The following TMEM71 variants were observed in gnomAD, a reference collection of about 807,000 sequenced individuals.
The protein encoded by TMEM71 is transmembrane protein 71.
Under a neutral mutation model 38.0 loss-of-function variants are expected in TMEM71, and 44 were observed. The observed-to-expected ratio is 1.16, with a 90% CI of 0.91 to 1.49. The LOEUF (loss-of-function observed/expected upper bound fraction) is 1.49. Among genes scored for constraint, TMEM71 ranks in the 40% most tolerant of loss-of-function variants. The pLI is 0.00. For synonymous variants in TMEM71, 133 were observed against 122.5 expected, an observed-to-expected ratio of 1.09 and a Z score of -0.56; for missense variants, 367 against 348.6, an observed-to-expected ratio of 1.05 and a Z score of -0.42.
At chr8:132,712,665 CTG>C (rs1310948627) in intron 9 of TMEM71, among the ~76,000 whole-genome samples, 6 of 152,176 alleles carry the variant, frequency 3.9e-5, no homozygotes, top group Admixed American at 2.6e-4. Context: ...TACCTAGTGA[CTG>C]TGTCTAACCC....
chr8:132,764,288 T>TTG (rs5895159), upstream of TMEM71, among the ~76,000 whole-genome samples: 66,268 of 148,846 alleles, frequency 0.45, 15,958 homozygotes, highest in South Asian at 0.6. Flanking sequence ...AACTGGGAGG[T>TTG]TGTGTGTGTG....
chr8:132,775,854 A>G, the TMEM71 span, among the ~76,000 whole-genome samples: 1 of 151,680 alleles, frequency 6.6e-6, no homozygotes, highest in East Asian at 1.9e-4. Context: ...TCAAACCTGG[A>G]GGCTTCTCCA....
chr8:132,751,272 A>G (rs1828693825), intron 4 of TMEM71, among the ~76,000 whole-genome samples: 1 of 152,186 alleles, frequency 6.6e-6, no homozygotes, highest in African/African-American at 2.4e-5. Flanking sequence ...CCTAAGTTTT[A>G]CCAGGGTCTC....
chr8:132,759,594 A>G (rs1829219704), intron 1 of TMEM71: 1 of 152,244 alleles, frequency 6.6e-6, no homozygotes, highest in African/African-American at 2.4e-5. Context: ...TTGATCATTT[A>G]CTGTTCATCA....
the TMEM71 span, among the ~76,000 whole-genome samples, chr8:132,774,651 A>T: frequency 1.3e-5 from 2 of 152,256 alleles, no homozygotes; most frequent in Non-Finnish European, 1.5e-5. Context: ...ATTATTTTCA[A>T]TGTGTTCACT....
chr8:132,754,380 T>C (rs976038742), intron 3 of TMEM71, among the ~76,000 whole-genome samples: 2 of 152,226 alleles, frequency 1.3e-5, no homozygotes, highest in South Asian at 2.1e-4. Flanking sequence ...CTTAGACTTT[T>C]GGACCAATTT....
chr8:132,736,926 A>T (rs1356565196), intron 5 of TMEM71, among the ~76,000 whole-genome samples: 1 of 152,212 alleles, frequency 6.6e-6, no homozygotes, highest in African/African-American at 2.4e-5. Flanking sequence ...ATGTTAATTA[A>T]CTTGATTTCC....
intron 3 of TMEM71, among the ~76,000 whole-genome samples, chr8:132,755,583 G>A (rs1425606080): frequency 1.3e-5 from 2 of 152,110 alleles, no homozygotes; most frequent in Non-Finnish European, 2.9e-5. Context: ...GTTGGTGAAA[G>A]GACAAATATC....
chr8:132,723,942 T>C (rs1834439), intron 6 of TMEM71, among the ~76,000 whole-genome samples: 87,280 of 151,976 alleles, frequency 0.57, 27,794 homozygotes, highest in African/African-American at 0.86. Flanking sequence ...ACAGCTGGGC[T>C]GCCGGGGGTG....
chr8:132,767,135 G>T, the TMEM71 span, among the ~76,000 whole-genome samples: 1 of 152,114 alleles, frequency 6.6e-6, no homozygotes, highest in Admixed American at 6.6e-5. Context: ...TGCTCCTCAG[G>T]GGTATTAACT....
chr8:132,742,191 T>C (rs532531962), intron 5 of TMEM71, among the ~76,000 whole-genome samples: 1 of 152,390 alleles, frequency 6.6e-6, no homozygotes, highest in East Asian at 1.9e-4. Flanking sequence ...ATTAATGATA[T>C]TCATATATAA....
At chr8:132,768,347 T>C in the TMEM71 span, among the ~76,000 whole-genome samples, 1 of 152,146 alleles carries the variant, frequency 6.6e-6, no homozygotes, top group Non-Finnish European at 1.5e-5. Context: ...TCTTTTACTT[T>C]AAAAAATGTT....
intron 5 of TMEM71, among the ~76,000 whole-genome samples, chr8:132,741,529 C>G (rs1036243079): frequency 6.6e-6 from 1 of 151,576 alleles, no homozygotes; most frequent in African/African-American, 2.4e-5. Context: ...TGTGAGTCAT[C>G]TCCAATGATA....
chr8:132,743,662 G>A (rs1434566582), intron 5 of TMEM71, among the ~76,000 whole-genome samples: 5 of 152,032 alleles, frequency 3.3e-5, no homozygotes, highest in Non-Finnish European at 7.4e-5. Context: ...TCCACTGCAA[G>A]GCCTCAGTAA....
At chr8:132,772,913 G>A in the TMEM71 span, among the ~76,000 whole-genome samples, 1 of 152,122 alleles carries the variant, frequency 6.6e-6, no homozygotes, top group Non-Finnish European at 1.5e-5. Context: ...GCCGTTGGTG[G>A]CATGATATTT....
chr8:132,772,550 G>T, the TMEM71 span, among the ~76,000 whole-genome samples: 1 of 152,132 alleles, frequency 6.6e-6, no homozygotes, highest in Non-Finnish European at 1.5e-5. Flanking sequence ...AAGAGGAAAT[G>T]ACATCCTACC....
At chr8:132,768,543 T>C in the TMEM71 span, among the ~76,000 whole-genome samples, 145,174 of 152,216 alleles carry the variant, frequency 0.95, 69,292 homozygotes, top group East Asian at 1. Context: ...TTTTCAATTG[T>C]AGCATTTTTT....
chr8:132,741,395 TAAAAG>T (rs1257365258), intron 5 of TMEM71, among the ~76,000 whole-genome samples: 2 of 151,910 alleles, frequency 1.3e-5, no homozygotes, highest in African/African-American at 4.8e-5. Flanking sequence ...GACAAAGAGA[TAAAAG>T]AAAAGACACC....
chr8:132,729,231 A>C (rs748744719), intron 5 of TMEM71, among the ~76,000 whole-genome samples: 1 of 152,170 alleles, frequency 6.6e-6, no homozygotes, highest in Non-Finnish European at 1.5e-5. Context: ...GGGATCCAAA[A>C]CTCTATAAGC....
Sources: gnomAD v4.1 joint callset for allele counts (sites outside exome capture counted in the v4.1 genomes callset) on GRCh38, gnomAD v4.1.1 for gene constraint, MANE v1.5 for transcripts, NCBI Gene and HGNC (gene_info 2026-07-23, HGNC 2026-07-21) for gene names.